GLDC: variants seen among roughly 807,000 people sequenced by gnomAD.
GLDC encodes glycine dehydrogenase (decarboxylating), mitochondrial.
A neutral mutation model predicts 121.3 loss-of-function variants in GLDC; 104 were observed. The ratio of observed to expected loss-of-function variants is 0.86; its 90% CI spans 0.73 to 1.01. The LOEUF is 1.01. GLDC is among the 50% of genes least tolerant of loss of function. The pLI, the probability that GLDC is intolerant of heterozygous loss-of-function variation, is 0.00. For synonymous variants in GLDC, 546 were observed against 480.6 expected (o/e 1.14, Z -1.78); for missense variants, 1,429 against 1,306.6 (o/e 1.09, Z -1.44).
intron 15 of GLDC, among the ~76,000 whole-genome samples, chr9:6,582,840 A>G (rs933089979): frequency 6.6e-6 from 1 of 152,166 alleles, no homozygotes; most frequent in Non-Finnish European, 1.5e-5. Context: ...AAAAAAAAAA[A>G]AAAGAACTGC....
intron 15 of GLDC, among the ~76,000 whole-genome samples, chr9:6,575,043 C>G (rs1462919019): frequency 6.6e-6 from 1 of 151,988 alleles, no homozygotes; most frequent in Non-Finnish European, 1.5e-5. Flanking sequence ...CTTAAAAACT[C>G]TCCCACTTCT....
At chr9:6,587,046 A>G in intron 15 of GLDC, 95 bp downstream of exon 15, 1 of 1,013,398 alleles carries the variant, frequency 9.9e-7, no homozygotes, top group Non-Finnish European at 1.6e-6. Flanking sequence ...GTCACAGAAT[A>G]ACACAAAAAA....
chr9:6,609,212 G>A (rs1818801005), intron 4 of GLDC, among the ~76,000 whole-genome samples: 2 of 152,306 alleles, frequency 1.3e-5, no homozygotes, highest in Non-Finnish European at 2.9e-5. Context: ...GAACCATCCT[G>A]ATTCAGTAAG....
chr9:6,604,287 C>T (rs1421446479), intron 7 of GLDC, among the ~76,000 whole-genome samples: 1 of 152,164 alleles, frequency 6.6e-6, no homozygotes, highest in African/African-American at 2.4e-5. Flanking sequence ...ACTGTCGAGA[C>T]ACAAAACATG....
At chr9:6,546,342 A>G (rs1337361352) in intron 21 of GLDC, among the ~76,000 whole-genome samples, 1 of 149,744 alleles carries the variant, frequency 6.7e-6, no homozygotes, top group Non-Finnish European at 1.5e-5. Context: ...ACAGGTGTGC[A>G]CCACCATGGT....
At chr9:6,621,265 G>A (rs1276514787) in intron 2 of GLDC, among the ~76,000 whole-genome samples, 3 of 152,170 alleles carry the variant, frequency 2.0e-5, no homozygotes, top group Non-Finnish European at 4.4e-5. Flanking sequence ...AAATGTACTT[G>A]GATGCAGGTG....
chr9:6,610,792 G>A (rs1587965430), intron 3 of GLDC, among the ~76,000 whole-genome samples: 3 of 152,126 alleles, frequency 2.0e-5, no homozygotes, highest in Admixed American at 2.0e-4. Context: ...TACAGCCAGG[G>A]TTTTGTCATG....
intron 7 of GLDC, 115 bp from the exon 8 acceptor site, chr9:6,602,320 G>A (rs1818631941): frequency 2.7e-6 from 2 of 728,180 alleles, no homozygotes; most frequent in Non-Finnish European, 2.5e-6. Flanking sequence ...AATGCACTTG[G>A]GTGCAAATTT....
Position 6,552,211 on chromosome 9 carries a change from G to C in GLDC, c.2457+1157C>G, listed in dbSNP as rs373975371. On this transcript the variant is annotated intron_variant, in intron 20 of 24. Coordinates refer to ENST00000321612, the MANE Select transcript of GLDC (RefSeq NM_000170.3). ...AATAAGAGAAGGCCCAAGGCCAGAG[G>C]GGGCAGCTTAAACCCTACTTTATTT... 7.9e-5 allele frequency among the ~76,000 whole-genome samples: 12 copies of C among 152,286 alleles called. No individual in the cohort carries two copies. In the East Asian group the frequency reaches 1.4e-3, roughly 17 times the overall value.
At position 6,532,813 on chromosome 9, in the gene GLDC, A is replaced by G; in HGVS notation, c.*204T>C. 1.7e-6 allele frequency: 1 copy of G among 584,932 alleles called. No homozygotes were observed. The highest frequency in any genetic ancestry group is 3.1e-6 in the Non-Finnish European group (1 of 325,296). The allele number at this position is 584,932 out of a possible 1,614,324, so 36.2% of individuals were successfully genotyped here. A position where few individuals can be genotyped will look rare whatever the true frequency, so the allele number is the denominator to read the frequency against. ...GGCAACTGGCACATGTGGAAGCAGA[A>G]TACCAAAGCAAATCCGTCTTCCAAC... On this transcript the variant is annotated 3_prime_UTR_variant, in exon 25 of 25. Transcript: ENST00000321612.
chr9:6,627,017 C>G (rs34298851), intron 2 of GLDC, among the ~76,000 whole-genome samples: 1 of 151,904 alleles, frequency 6.6e-6, no homozygotes, highest in African/African-American at 2.4e-5. Context: ...ACTAGTGGGC[C>G]GGGCGTGGTG....
At chr9:6,539,731 C>T (rs973903726) in intron 22 of GLDC, among the ~76,000 whole-genome samples, 1 of 152,236 alleles carries the variant, frequency 6.6e-6, no homozygotes, top group African/African-American at 2.4e-5. Context: ...CCATTTGTCT[C>T]TACCACTTCG....
intron 3 of GLDC, among the ~76,000 whole-genome samples, chr9:6,619,145 G>GAAAAAAAAAAAAA (rs1563864174): frequency 1.3e-4 from 4 of 30,196 alleles, no homozygotes; most frequent in African/African-American, 6.1e-4. Flanking sequence ...TCTGTCTCAG[G>GAAAAAAAAAAAAA]CAAAAAAAAA....
At chr9:6,630,427 A>G (rs2129983538) in intron 2 of GLDC, among the ~76,000 whole-genome samples, 1 of 152,210 alleles carries the variant, frequency 6.6e-6, no homozygotes, top group African/African-American at 2.4e-5. Context: ...CGCCTCACAC[A>G]CAGCAGCCAC....
At chr9:6,550,071 C>G (rs927403326) in intron 21 of GLDC, among the ~76,000 whole-genome samples, 2 of 152,220 alleles carry the variant, frequency 1.3e-5, no homozygotes, top group African/African-American at 4.8e-5. Flanking sequence ...TCTGCTTACT[C>G]AGGCTCTCAT....
At chr9:6,539,996 A>G in intron 22 of GLDC, 55 bp downstream of exon 22, 1 of 1,086,260 alleles carries the variant, frequency 9.2e-7, no homozygotes, top group South Asian at 1.2e-5. Context: ...TTTGTGCTTT[A>G]GGAAGTGGTC....
intron 15 of GLDC, among the ~76,000 whole-genome samples, chr9:6,578,323 C>A (rs1007647643): frequency 1.3e-5 from 2 of 151,892 alleles, no homozygotes; most frequent in Non-Finnish European, 2.9e-5. Flanking sequence ...CACTATGTTG[C>A]CGAGGCTGGT....
chr9:6,628,366 C>A (rs1405443159), intron 2 of GLDC, among the ~76,000 whole-genome samples: 1 of 152,236 alleles, frequency 6.6e-6, no homozygotes, highest in Non-Finnish European at 1.5e-5. Flanking sequence ...AGAGCACATT[C>A]CTCACCCTTT....
At chr9:6,616,947 A>G (rs71490275) in intron 3 of GLDC, among the ~76,000 whole-genome samples, 9,251 of 152,284 alleles carry the variant, frequency 0.061, 395 homozygotes, top group Non-Finnish European at 0.093. Flanking sequence ...AAATAGCTAC[A>G]AGGAATATGT....
Sources: allele counts gnomAD v4.1 joint callset (sites outside exome capture counted in the v4.1 genomes callset), GRCh38; gene constraint gnomAD v4.1.1; transcripts MANE v1.5; gene names NCBI Gene and HGNC (gene_info 2026-07-23, HGNC 2026-07-21).